AAK1: variants seen among roughly 807,000 people sequenced by gnomAD.
AAK1 encodes AP2-associated protein kinase 1.
AAK1 carries 37 observed loss-of-function variants against 116.0 expected under a neutral mutation model. The observed-to-expected ratio is 0.32, with a 90% CI of 0.25 to 0.42. The LOEUF is 0.42. Among genes scored for constraint, AAK1 ranks in the 10% least tolerant of loss-of-function variants. AAK1 has a pLI of 1.00. For synonymous variants in AAK1, 458 were observed against 439.9 expected (o/e 1.04, Z -0.51); for missense variants, 919 against 1,170.6 (o/e 0.79, Z 3.14).
chr2:69,521,105 C>T (rs557752535), intron 10 of AAK1, 117 bp from the exon 11 acceptor site: 2 of 1,113,792 alleles, frequency 1.8e-6, no homozygotes, highest in South Asian at 1.5e-5. Flanking sequence ...TCTGTTTAAT[C>T]GATGCTTCCC....
intron 16 of AAK1, among the ~76,000 whole-genome samples, chr2:69,499,442 T>G (rs1675885867): frequency 6.6e-6 from 1 of 152,168 alleles, no homozygotes; most frequent in South Asian, 2.1e-4. Context: ...CCAACCTGTG[T>G]GTATAGTTCT....
chr2:69,626,602 C>T (rs571783267), intron 2 of AAK1, among the ~76,000 whole-genome samples: 3 of 151,192 alleles, frequency 2.0e-5, no homozygotes, highest in Non-Finnish European at 4.4e-5. Flanking sequence ...CAGGCTCAAG[C>T]GATCTTCCCA....
chr2:69,552,645 A>G (rs1021276010), intron 3 of AAK1, among the ~76,000 whole-genome samples: 4 of 152,094 alleles, frequency 2.6e-5, no homozygotes. Flanking sequence ...TGGGAGGCAG[A>G]GATTGCAGTG....
rs537431306 is a variant in AAK1, at chr2:69,586,720, G to T, written c.164-29742C>A. On this transcript the variant is annotated intron_variant, in intron 2 of 21. Transcript: ENST00000409085. The stretch of plus-strand genomic sequence containing the variant: ...AAAGATTATCCCTAGGGCCACTCCC[G>T]GGCTCACATTCATTCCATTGTTCTT... 3.3e-5 allele frequency among the ~76,000 whole-genome samples: 5 copies of T among 152,148 alleles called. No individual in the cohort carries two copies. In the South Asian group the frequency reaches 1.0e-3, roughly 32 times the overall value.
At chr2:69,555,664 T>G (rs1293554374) in intron 3 of AAK1, among the ~76,000 whole-genome samples, 2 of 152,222 alleles carry the variant, frequency 1.3e-5, no homozygotes, top group Non-Finnish European at 2.9e-5. Context: ...TTACTTCATG[T>G]CAAGCAGTAT....
intron 9 of AAK1, 146 bp from the exon 10 acceptor site, chr2:69,525,258 T>C: frequency 1.4e-6 from 1 of 714,836 alleles, no homozygotes; most frequent in East Asian, 2.8e-5. Context: ...GAGCTCTGTC[T>C]GGTAGAGGGA....
chr2:69,504,400 A>T (rs1461362912), intron 16 of AAK1, among the ~76,000 whole-genome samples: 1 of 139,160 alleles, frequency 7.2e-6, no homozygotes, highest in Non-Finnish European at 1.5e-5. Flanking sequence ...TCCATCTCAA[A>T]AAAAAAAAAA....
At chr2:69,507,277 T>C (rs948820114) in intron 15 of AAK1, 144 bp downstream of exon 15, 1 of 992,698 alleles carries the variant, frequency 1.0e-6, no homozygotes, top group Admixed American at 2.9e-5. Flanking sequence ...ATGCATACTT[T>C]GAAATCAAGC....
At position 69,479,496 on chromosome 2, in the gene AAK1, G is replaced by C. The variant is rs1323279395; in HGVS notation, c.2570-435C>G. On this transcript the variant is annotated intron_variant, in intron 19 of 21. Transcript: ENST00000409085. Reference sequence around the variant, plus strand: ...CTCAGTTCTTAGTGAATGCCATTTGGGAGAAAAAACTTTACAATTAGAGTT... The same window carrying C: ...CTCAGTTCTTAGTGAATGCCATTTGCGAGAAAAAACTTTACAATTAGAGTT... Among the ~76,000 whole-genome samples, 3 of 152,056 alleles carry C rather than the reference G, an allele frequency of 2.0e-5. No individual in the cohort carries two copies. In the South Asian group the frequency reaches 6.2e-4, roughly 31 times the overall value.
At chr2:69,621,178 T>A (rs896709730) in intron 2 of AAK1, among the ~76,000 whole-genome samples, 5 of 151,858 alleles carry the variant, frequency 3.3e-5, no homozygotes, top group Non-Finnish European at 1.5e-5. Context: ...TAGAGTCGAG[T>A]GGTAGGAGTA....
chr2:69,487,071 A>G (rs968599460), intron 17 of AAK1, among the ~76,000 whole-genome samples: 2 of 152,252 alleles, frequency 1.3e-5, no homozygotes, highest in Non-Finnish European at 2.9e-5. Context: ...TAAGACTCAG[A>G]TATCTGACCA....
intron 2 of AAK1, among the ~76,000 whole-genome samples, chr2:69,585,881 C>T (rs1290734217): frequency 6.6e-6 from 1 of 152,132 alleles, no homozygotes; most frequent in Non-Finnish European, 1.5e-5. Context: ...GATGTGGAAA[C>T]TTTCTCCCCC....
chr2:69,622,362 C>G (rs915771151), intron 2 of AAK1, among the ~76,000 whole-genome samples: 2 of 151,888 alleles, frequency 1.3e-5, no homozygotes, highest in Non-Finnish European at 2.9e-5. Context: ...GCCTCCCCGA[C>G]GAGCGCCACC....
In AAK1 at chr2:69,466,872, T is replaced by C. The variant is rs1674504375; in HGVS notation, c.*8997A>G. ...CACGGACACCTGCTCTACCTGGCAC[T>C]GGCTCATTATGGAATGAAAACAAAC... On this transcript the variant is annotated 3_prime_UTR_variant, in exon 22 of 22. Transcript: ENST00000409085. 1 of 985,448 alleles carries C rather than the reference T, an allele frequency of 1.0e-6. No homozygotes were observed. Among genetic ancestry groups the C allele is most frequent in the Non-Finnish European group, 1.2e-6 (1 of 829,940 alleles). 61.0% of individuals were successfully genotyped at this position (985,448 alleles called of 1,614,324 possible). A position where few individuals can be genotyped will look rare whatever the true frequency, so the allele number is the denominator to read the frequency against.
At position 69,472,156 on chromosome 2, in the gene AAK1, T is replaced by A. The variant is rs1674702220; in HGVS notation, c.*3713A>T. On this transcript the variant is annotated 3_prime_UTR_variant, in exon 22 of 22. Transcript: ENST00000409085. The stretch of plus-strand genomic sequence containing the variant: ...AATTACAGAAATTAAGTCTTAATCA[T>A]GTTCACTTTCTATTATAAGGTCCTC... 2 of 983,946 alleles carry A rather than the reference T, an allele frequency of 2.0e-6. No homozygotes were observed. The highest frequency in any genetic ancestry group is 1.7e-5 in the African/African-American group (1 of 57,230). The allele number at this position is 983,946 out of a possible 1,614,324, so 61.0% of individuals were successfully genotyped here.
chr2:69,549,101 G>T (rs972136017), intron 3 of AAK1, among the ~76,000 whole-genome samples: 1 of 151,880 alleles, frequency 6.6e-6, no homozygotes, highest in Admixed American at 6.6e-5. Flanking sequence ...GGGCTCGGTG[G>T]CTCACGCCTG....
At chr2:69,513,922 T>C (rs924131867) in intron 13 of AAK1, among the ~76,000 whole-genome samples, 2 of 152,176 alleles carry the variant, frequency 1.3e-5, no homozygotes, top group Non-Finnish European at 2.9e-5. Flanking sequence ...ATTGATAAGA[T>C]GGCTCAAATG....
chr2:69,536,029 T>C (rs1187210636), intron 5 of AAK1, among the ~76,000 whole-genome samples: 3 of 152,240 alleles, frequency 2.0e-5, no homozygotes, highest in Non-Finnish European at 2.9e-5. Context: ...AAAGCCTTAT[T>C]GTCTCCCTTA....
chr2:69,549,880 A>G (rs543567577), intron 3 of AAK1, among the ~76,000 whole-genome samples: 2 of 152,372 alleles, frequency 1.3e-5, no homozygotes, highest in Admixed American at 6.5e-5. Flanking sequence ...GCCTGATTCT[A>G]TGACTCAATG....
Sources: allele counts gnomAD v4.1 joint callset (sites outside exome capture counted in the v4.1 genomes callset), GRCh38; gene constraint gnomAD v4.1.1; transcripts MANE v1.5; gene names NCBI Gene and HGNC (gene_info 2026-07-23, HGNC 2026-07-21).